Variants in GREB1L observed in about 807,000 individuals in gnomAD.
GREB1L encodes the protein GREB1-like protein.
In GREB1L, 17 loss-of-function variants were observed where a neutral mutation model predicts 200.8. That is an observed-to-expected ratio of 0.08 (90% CI 0.06 to 0.13). GREB1L has a LOEUF of 0.13. GREB1L is among the 10% of genes least tolerant of loss of function. GREB1L has a pLI of 1.00. For missense variants in GREB1L, 1,657 were observed against 2,367.7 expected, an observed-to-expected ratio of 0.70 and a Z score of 6.23; for synonymous variants, 789 against 893.0, an observed-to-expected ratio of 0.88 and a Z score of 2.08.
chr18:21,303,806 A>T (rs985741285), intron 1 of GREB1L, among the ~76,000 whole-genome samples: 55 of 152,228 alleles, frequency 3.6e-4, no homozygotes, highest in African/African-American at 1.3e-3. Flanking sequence ...ATTGTATAAT[A>T]TAAGGTCATA....
At chr18:21,308,626 TCTCTCA>T (rs1456994903) in intron 1 of GREB1L, among the ~76,000 whole-genome samples, 2 of 152,138 alleles carry the variant, frequency 1.3e-5, no homozygotes, top group Non-Finnish European at 2.9e-5. Context: ...CCTGCCGGTG[TCTCTCA>T]CTCTCACTCC....
rs115905498 is a variant in GREB1L at position 21,278,944 on chromosome 18, C to T, written c.-120+36551C>T. 7.5e-3 allele frequency among the ~76,000 whole-genome samples: 1,139 copies of T among 152,212 alleles called. 20 individuals are homozygous for T. The highest frequency in any genetic ancestry group is 0.026 in the African/African-American group (1,060 of 41,534). On this transcript the variant is annotated intron_variant, in intron 1 of 32. Transcript: ENST00000424526. Reference sequence around the variant, plus strand: ...GCAATAGTTCCTATACATCTGAACACATGTCCTATGAAGTAGTGTTATTTA... The same window carrying T: ...GCAATAGTTCCTATACATCTGAACATATGTCCTATGAAGTAGTGTTATTTA...
At chr18:21,521,211 T>C (rs2037589340) in intron 32 of GREB1L, among the ~76,000 whole-genome samples, 1 of 145,948 alleles carries the variant, frequency 6.9e-6, no homozygotes, top group African/African-American at 2.6e-5. Context: ...AAAAAGTAAA[T>C]AAATAAATAC....
rs189100012 is a variant in GREB1L, at chr18:21,492,113, G to A, written c.3030+1762G>A. On this transcript the variant is annotated intron_variant, in intron 19 of 32. Transcript: ENST00000424526. ...TGTAATCCCAGCACTTTGGGAGGCC[G>A]AGGCGGGCGGATCACAAGGTCAGGA... Among the ~76,000 whole-genome samples the A allele has an allele frequency of 1.5e-3, 227 of 152,132 alleles. 1 individual carries two copies. Among genetic ancestry groups the A allele is most frequent in the Non-Finnish European group, 2.4e-3 (161 of 68,016 alleles).
At chr18:21,464,920 G>A (rs1299087852) in intron 15 of GREB1L, among the ~76,000 whole-genome samples, 1 of 152,094 alleles carries the variant, frequency 6.6e-6, no homozygotes, top group Non-Finnish European at 1.5e-5. Flanking sequence ...GGAGGCTGTT[G>A]GTTATTTTAA....
chr18:21,467,964 A>G (rs8099087), intron 15 of GREB1L, among the ~76,000 whole-genome samples: 53,799 of 150,446 alleles, frequency 0.36, 14,302 homozygotes, highest in African/African-American at 0.72. Flanking sequence ...GGTGGAGCTC[A>G]CAGTGAGCCG....
At chr18:21,421,127 A>C (rs186082088) in intron 7 of GREB1L, among the ~76,000 whole-genome samples, 2 of 152,302 alleles carry the variant, frequency 1.3e-5, no homozygotes, top group Admixed American at 6.5e-5. Context: ...CAAGGGAAGC[A>C]TAGGTGGGAG....
chr18:21,498,832 G>A (rs189391009), intron 21 of GREB1L, among the ~76,000 whole-genome samples: 15 of 152,302 alleles, frequency 9.8e-5, no homozygotes, highest in Admixed American at 9.8e-4. Context: ...GTGAAGGGGC[G>A]GGTTTTAATC....
At chr18:21,359,968 GTTGT>G (rs980307724) in intron 1 of GREB1L, among the ~76,000 whole-genome samples, 1 of 152,120 alleles carries the variant, frequency 6.6e-6, no homozygotes, top group Admixed American at 6.5e-5. Flanking sequence ...TGGTAGGAGG[GTTGT>G]TTTTTCTGGA....
intron 23 of GREB1L, among the ~76,000 whole-genome samples, chr18:21,501,631 G>C (rs1296395525): frequency 6.6e-6 from 1 of 152,198 alleles, no homozygotes; most frequent in African/African-American, 2.4e-5. Flanking sequence ...TGCCTAGATG[G>C]TTAACTATTG....
rs528647967 is a variant in GREB1L at position 21,458,223 on chromosome 18, G to A, written c.2182+3660G>A. On this transcript the variant is annotated intron_variant, in intron 15 of 32. Transcript: ENST00000424526. ...CGACCTCAGGTGATCCACCCGTTTCGGCCTCCCAAAGTGCTGGGATTACAG... is the reference window on the plus strand; with the variant it reads ...CGACCTCAGGTGATCCACCCGTTTCAGCCTCCCAAAGTGCTGGGATTACAG... Among the ~76,000 whole-genome samples, 227 of 152,108 alleles carry A rather than the reference G, an allele frequency of 1.5e-3. 1 individual carries two copies. The highest frequency in any genetic ancestry group is 2.8e-3 in the Admixed American group (43 of 15,270).
chr18:21,265,850 T>A (rs2144180445), intron 1 of GREB1L, among the ~76,000 whole-genome samples: 1 of 152,300 alleles, frequency 6.6e-6, no homozygotes, highest in Admixed American at 6.5e-5. Flanking sequence ...ATTTTAGTAT[T>A]GATCAGATCA....
At chr18:21,460,164 T>C (rs2034979724) in intron 15 of GREB1L, among the ~76,000 whole-genome samples, 1 of 146,912 alleles carries the variant, frequency 6.8e-6, no homozygotes, top group African/African-American at 2.7e-5. Flanking sequence ...TTTTGTCTTG[T>C]TTTTGTTTTC....
chr18:21,413,840 T>C (rs1019792641), intron 7 of GREB1L, among the ~76,000 whole-genome samples: 3 of 152,188 alleles, frequency 2.0e-5, no homozygotes, highest in African/African-American at 7.2e-5. Flanking sequence ...TATCCCACTT[T>C]GTGGAAATGA....
chr18:21,499,507 C>T (rs1377090758), intron 21 of GREB1L, among the ~76,000 whole-genome samples: 1 of 152,180 alleles, frequency 6.6e-6, no homozygotes, highest in African/African-American at 2.4e-5. Flanking sequence ...AGAAGCACCC[C>T]ATCTCCTGCT....
At chr18:21,345,164 C>T (rs368796611) in intron 1 of GREB1L, among the ~76,000 whole-genome samples, 3 of 152,180 alleles carry the variant, frequency 2.0e-5, no homozygotes, top group African/African-American at 4.8e-5. Flanking sequence ...ACTTCAGACC[C>T]TATTAGATTA....
chr18:21,503,194 TTTA>T (rs1386427501), intron 23 of GREB1L, among the ~76,000 whole-genome samples: 2 of 151,704 alleles, frequency 1.3e-5, no homozygotes, highest in African/African-American at 2.4e-5. Flanking sequence ...TCTTATACAT[TTTA>T]TTATTATTAA....
chr18:21,417,413 C>A (rs1447483732), intron 7 of GREB1L, among the ~76,000 whole-genome samples: 1 of 151,852 alleles, frequency 6.6e-6, no homozygotes, highest in African/African-American at 2.4e-5. Flanking sequence ...ATTTGGGAAG[C>A]GGAGGCACGA....
At chr18:21,490,584 C>T (rs1175994342) in intron 19 of GREB1L, among the ~76,000 whole-genome samples, 1 of 121,730 alleles carries the variant, frequency 8.2e-6, no homozygotes, top group Admixed American at 8.0e-5. Flanking sequence ...TCCATGCTCT[C>T]CAACTGCAGG....
Sources: gnomAD v4.1 joint callset for allele counts (sites outside exome capture counted in the v4.1 genomes callset) on GRCh38, gnomAD v4.1.1 for gene constraint, MANE v1.5 for transcripts, NCBI Gene and HGNC (gene_info 2026-07-23, HGNC 2026-07-21) for gene names.